Variants in CCDC13 observed in about 807,000 individuals in gnomAD.
CCDC13 encodes coiled-coil domain-containing protein 13.
Under a neutral mutation model 87.3 loss-of-function variants are expected in CCDC13, and 70 were observed. The ratio of observed to expected loss-of-function variants is 0.80; its 90% CI spans 0.66 to 0.98. CCDC13 has a LOEUF of 0.98. Among genes scored for constraint, CCDC13 ranks in the 50% least tolerant of loss-of-function variants. The probability of loss-of-function intolerance (pLI) is 0.00; values close to 1 mark genes in which losing one functional copy is unlikely to be tolerated. For synonymous variants in CCDC13, 317 were observed against 360.3 expected (o/e 0.88, Z 1.36); for missense variants, 842 against 892.0 (o/e 0.94, Z 0.71).
At chr3:42,758,481 T>A in intron 1 of CCDC13, 130 bp from the exon 2 acceptor site, 1 of 828,370 alleles carries the variant, frequency 1.2e-6, no homozygotes, top group Non-Finnish European at 1.9e-6. Flanking sequence ...ACGCAGAAGC[T>A]TGGAAGCTCC....
chr3:42,709,809 G>C lies in CCDC13; in HGVS notation c.1874-11C>G. 1 of 1,605,894 alleles carries C rather than the reference G, an allele frequency of 6.2e-7. No homozygotes were observed. Among genetic ancestry groups the C allele is most frequent in the Non-Finnish European group, 8.5e-7 (1 of 1,172,622 alleles). On this transcript the variant is annotated splice_polypyrimidine_tract_variant and intron_variant, in intron 14 of 15. Transcript: ENST00000310232. The stretch of plus-strand genomic sequence containing the variant: ...TAGAGGTGGGCAGACCTGTGGGGCA[G>C]CAGCAACCACTTTCTGTGAGGAGGC...
chr3:42,730,438 G>A (rs377276544), intron 13 of CCDC13, 29 bp downstream of exon 13: 63 of 1,607,930 alleles, frequency 3.9e-5, no homozygotes, highest in Non-Finnish European at 5.1e-5. Flanking sequence ...GCAGGCCTAT[G>A]GGAGAGATCC....
At chr3:42,715,056 C>T (rs1426850622) in intron 13 of CCDC13, among the ~76,000 whole-genome samples, 2 of 151,870 alleles carry the variant, frequency 1.3e-5, no homozygotes, top group East Asian at 3.9e-4. Context: ...CTTTGGGTGG[C>T]CGAGGTGGGT....
chr3:42,731,408 G>T lies in CCDC13; in HGVS notation c.1596-819C>A, dbSNP rs1472871162. 2.6e-5 allele frequency among the ~76,000 whole-genome samples: 4 copies of T among 152,068 alleles called. 1 individual carries two copies. The highest frequency in any genetic ancestry group is 9.7e-5 in the African/African-American group (4 of 41,396). ...ACTAAACATTGAGAGGGGTGGTTTA[G>T]ATGGGCTCCGAGAACTGCAGACCCC... On this transcript the variant is annotated intron_variant, in intron 12 of 15. Coordinates refer to ENST00000310232, the MANE Select transcript of CCDC13 (RefSeq NM_144719.4).
Position 42,714,924 on chromosome 3 carries a change from G to A in CCDC13, c.1719-1608C>T, listed in dbSNP as rs137963832. ...TGGTAACATATTCATACTATAGAACGTGATAGAATATGATAGAGCTGTGCT... is the reference window on the plus strand; with the variant it reads ...TGGTAACATATTCATACTATAGAACATGATAGAATATGATAGAGCTGTGCT... On this transcript the variant is annotated intron_variant, in intron 13 of 15. Coordinates refer to ENST00000310232, the MANE Select transcript of CCDC13 (RefSeq NM_144719.4). Among the ~76,000 whole-genome samples the A allele has an allele frequency of 1.6e-3, 250 of 152,312 alleles. 4 individuals are homozygous for A. The East Asian group carries it at 0.036, about 22-fold the overall frequency.
At chr3:42,734,384 C>T (rs1447572122) in intron 10 of CCDC13, among the ~76,000 whole-genome samples, 1 of 152,212 alleles carries the variant, frequency 6.6e-6, no homozygotes, top group Non-Finnish European at 1.5e-5. Context: ...GGTGAAGATG[C>T]TGGAATCTTC....
intron 3 of CCDC13, among the ~76,000 whole-genome samples, chr3:42,755,166 G>A (rs1366611381): frequency 6.6e-6 from 1 of 152,032 alleles, no homozygotes; most frequent in East Asian, 1.9e-4. Flanking sequence ...CTATGAAAAG[G>A]TAATAAATAT....
At chr3:42,759,320 A>C (rs906821235) in intron 1 of CCDC13, among the ~76,000 whole-genome samples, 8 of 152,088 alleles carry the variant, frequency 5.3e-5, no homozygotes, top group South Asian at 2.1e-4. Flanking sequence ...AAAAAAAAAA[A>C]ACACAAATTT....
chr3:42,711,843 C>T (rs781590375), intron 14 of CCDC13, among the ~76,000 whole-genome samples: 2 of 152,220 alleles, frequency 1.3e-5, no homozygotes, highest in Non-Finnish European at 2.9e-5. Context: ...GACACTTTCC[C>T]TCAGGCAGCT....
intron 1 of CCDC13, among the ~76,000 whole-genome samples, chr3:42,769,857 A>C (rs558120104): frequency 6.6e-6 from 1 of 152,358 alleles, no homozygotes; most frequent in South Asian, 2.1e-4. Flanking sequence ...CACCTGGGCC[A>C]GCAGCTGCTG....
intron 1 of CCDC13, among the ~76,000 whole-genome samples, chr3:42,759,322 C>T (rs1699780658): frequency 1.3e-5 from 2 of 148,278 alleles, no homozygotes; most frequent in Admixed American, 6.7e-5. Flanking sequence ...AAAAAAAAAA[C>T]ACAAATTTTA....
intron 8 of CCDC13, among the ~76,000 whole-genome samples, chr3:42,741,554 C>T (rs556954642): frequency 6.6e-6 from 1 of 152,220 alleles, no homozygotes; most frequent in East Asian, 1.9e-4. Context: ...CTGACCAACA[C>T]AGTGAAACCC....
chr3:42,716,273 T>C (rs1411913215), intron 13 of CCDC13, among the ~76,000 whole-genome samples: 2 of 151,966 alleles, frequency 1.3e-5, no homozygotes, highest in Admixed American at 1.3e-4. Flanking sequence ...AGCCAGGTTC[T>C]CAAGAAAGTT....
At chr3:42,739,075 A>T (rs925015673) in intron 9 of CCDC13, among the ~76,000 whole-genome samples, 1 of 152,170 alleles carries the variant, frequency 6.6e-6, no homozygotes, top group African/African-American at 2.4e-5. Context: ...TTATTTTGAG[A>T]TACGTTTAAT....
At chr3:42,733,712 A>G in intron 10 of CCDC13, 103 bp from the exon 11 acceptor site, 1 of 1,415,300 alleles carries the variant, frequency 7.1e-7, no homozygotes, top group Non-Finnish European at 9.3e-7. Context: ...AGAGGATATG[A>G]AAGAGGCTTC....
At chr3:42,736,621 G>A (rs1699028880) in intron 9 of CCDC13, among the ~76,000 whole-genome samples, 2 of 152,224 alleles carry the variant, frequency 1.3e-5, no homozygotes, top group Admixed American at 6.5e-5. Context: ...GAGGGGATGC[G>A]ACTGGCCTAT....
intron 13 of CCDC13, among the ~76,000 whole-genome samples, chr3:42,720,798 C>A (rs571858319): frequency 6.6e-6 from 1 of 152,240 alleles, no homozygotes; most frequent in South Asian, 2.1e-4. Context: ...GCTTTTCCGT[C>A]AATTAAACAT....
chr3:42,771,175 A>T (rs1393944558), intron 1 of CCDC13: 1 of 152,334 alleles, frequency 6.6e-6, no homozygotes, highest in East Asian at 1.9e-4. Flanking sequence ...AGAAACCTAA[A>T]TGTGTATTGT....
intron 13 of CCDC13, among the ~76,000 whole-genome samples, chr3:42,724,256 C>A (rs1355333704): frequency 6.6e-6 from 1 of 152,210 alleles, no homozygotes; most frequent in African/African-American, 2.4e-5. Flanking sequence ...GTGCCTTCCA[C>A]ATCTCAATAA....
Sources: gnomAD v4.1 joint callset for allele counts (sites outside exome capture counted in the v4.1 genomes callset) on GRCh38, gnomAD v4.1.1 for gene constraint, MANE v1.5 for transcripts, NCBI Gene and HGNC (gene_info 2026-07-23, HGNC 2026-07-21) for gene names.